KIAA1217: variants seen among roughly 807,000 people sequenced by gnomAD.
The protein encoded by KIAA1217 is sickle tail protein homolog.
In KIAA1217, 88 loss-of-function variants were observed where a neutral mutation model predicts 163.9. The observed-to-expected ratio is 0.54, with a 90% CI of 0.45 to 0.64. KIAA1217 has a LOEUF of 0.64. Among genes scored for constraint, KIAA1217 ranks in the 30% least tolerant of loss-of-function variants. The pLI is 0.00. For missense variants in KIAA1217, 2,372 were observed against 2,475.0 expected, an observed-to-expected ratio of 0.96 and a Z score of 0.88; for synonymous variants, 903 against 923.1, an observed-to-expected ratio of 0.98 and a Z score of 0.39.
intron 2 of KIAA1217, among the ~76,000 whole-genome samples, chr10:24,253,088 G>T (rs142487146): frequency 1.3e-5 from 2 of 152,118 alleles, no homozygotes; most frequent in East Asian, 3.9e-4. Flanking sequence ...TTGGGAAGAG[G>T]TGCACACAGC....
At chr10:23,945,896 C>G (rs1322845753) in intron 1 of KIAA1217, among the ~76,000 whole-genome samples, 1 of 152,014 alleles carries the variant, frequency 6.6e-6, no homozygotes, top group Non-Finnish European at 1.5e-5. Context: ...GGTGAGTGCT[C>G]TATATATATC....
intron 1 of KIAA1217, among the ~76,000 whole-genome samples, chr10:23,711,649 C>T (rs562621618): frequency 6.6e-6 from 1 of 152,148 alleles, no homozygotes; most frequent in Non-Finnish European, 1.5e-5. Flanking sequence ...TACAAGGGAA[C>T]AAGATACAAA....
At chr10:23,842,236 T>C (rs1838822282) in intron 1 of KIAA1217, among the ~76,000 whole-genome samples, 1 of 152,156 alleles carries the variant, frequency 6.6e-6, no homozygotes, top group Non-Finnish European at 1.5e-5. Context: ...TTTTCTGTTT[T>C]CCAATCTACA....
At chr10:24,106,024 C>A (rs2062614392) in intron 2 of KIAA1217, among the ~76,000 whole-genome samples, 1 of 152,102 alleles carries the variant, frequency 6.6e-6, no homozygotes. Context: ...GCACCGGGAA[C>A]CTTGTGATGG....
chr10:23,916,130 T>A (rs1842625411), intron 1 of KIAA1217, among the ~76,000 whole-genome samples: 1 of 152,202 alleles, frequency 6.6e-6, no homozygotes, highest in South Asian at 2.1e-4. Context: ...TCAGATTGTC[T>A]TCTTGCCCTA....
chr10:23,994,670 G>A (rs1846385532), intron 1 of KIAA1217, among the ~76,000 whole-genome samples: 1 of 152,200 alleles, frequency 6.6e-6, no homozygotes, highest in African/African-American at 2.4e-5. Flanking sequence ...GGGGCAGTAG[G>A]AAGCTGTGTG....
At chr10:24,269,700 A>G (rs1442561038) in intron 2 of KIAA1217, among the ~76,000 whole-genome samples, 1 of 152,134 alleles carries the variant, frequency 6.6e-6, no homozygotes, top group Non-Finnish European at 1.5e-5. Flanking sequence ...TGGGACAGTG[A>G]GTCATTGGTT....
At chr10:23,697,750 A>C (rs576735178) in intron 1 of KIAA1217, among the ~76,000 whole-genome samples, 44 of 151,606 alleles carry the variant, frequency 2.9e-4, no homozygotes, top group African/African-American at 9.9e-4. Context: ...GGTGATGTGC[A>C]CCTGTGATCC....
chr10:23,709,897 C>T (rs1247389166), intron 1 of KIAA1217, among the ~76,000 whole-genome samples: 3 of 152,162 alleles, frequency 2.0e-5, no homozygotes, highest in African/African-American at 4.8e-5. Flanking sequence ...CTCTGGGCAG[C>T]ATTACTGATT....
intron 1 of KIAA1217, among the ~76,000 whole-genome samples, chr10:23,910,974 A>G (rs924084079): frequency 3.3e-5 from 5 of 152,130 alleles, no homozygotes; most frequent in Admixed American, 2.6e-4. Context: ...TGCAGGGATT[A>G]AGGATGACTG....
intron 2 of KIAA1217, among the ~76,000 whole-genome samples, chr10:24,137,342 T>C (rs146775254): frequency 4.5e-4 from 69 of 152,322 alleles, no homozygotes; most frequent in South Asian, 3.5e-3. Flanking sequence ...TGCTCTCACC[T>C]GCTCCAAGCC....
chr10:24,001,292 C>T (rs965820081), intron 1 of KIAA1217, among the ~76,000 whole-genome samples: 2 of 152,194 alleles, frequency 1.3e-5, no homozygotes, highest in African/African-American at 4.8e-5. Flanking sequence ...ACAGAGCAGC[C>T]ATTCGGTGAG....
intron 3 of KIAA1217, among the ~76,000 whole-genome samples, chr10:24,427,329 C>A (rs2059257359): frequency 6.6e-6 from 1 of 152,040 alleles, no homozygotes; most frequent in East Asian, 1.9e-4. Flanking sequence ...CATCTTCAAG[C>A]AGATGGTCAG....
intron 1 of KIAA1217, among the ~76,000 whole-genome samples, chr10:23,976,564 A>G (rs929987471): frequency 2.0e-5 from 3 of 152,222 alleles, no homozygotes; most frequent in Non-Finnish European, 4.4e-5. Flanking sequence ...ATACTCAACC[A>G]GTACAGATTT....
chr10:23,726,376 T>C (rs1023561833), intron 1 of KIAA1217, among the ~76,000 whole-genome samples: 74 of 151,620 alleles, frequency 4.9e-4, no homozygotes, highest in Non-Finnish European at 2.9e-4. Flanking sequence ...ATTTATTTTA[T>C]TTTTTATTAT....
chr10:23,835,312 G>T (rs1180157952), intron 1 of KIAA1217, among the ~76,000 whole-genome samples: 2 of 152,102 alleles, frequency 1.3e-5, no homozygotes, highest in Admixed American at 1.3e-4. Flanking sequence ...AAAAGAATAT[G>T]AAGGCTGAAA....
At chr10:24,500,625 CT>C (rs997080749) in intron 8 of KIAA1217, among the ~76,000 whole-genome samples, 3 of 152,172 alleles carry the variant, frequency 2.0e-5, no homozygotes, top group African/African-American at 7.2e-5. Context: ...CTAATCTCCC[CT>C]TGGCGATTGG....
intron 5 of KIAA1217, among the ~76,000 whole-genome samples, chr10:24,440,058 C>T (rs180891459): frequency 4.6e-5 from 7 of 152,248 alleles, no homozygotes; most frequent in East Asian, 1.9e-4. Context: ...ATATGAATGA[C>T]GACATTGTGG....
chr10:23,742,952 G>T (rs950559562), intron 1 of KIAA1217, among the ~76,000 whole-genome samples: 1 of 152,158 alleles, frequency 6.6e-6, no homozygotes, highest in African/African-American at 2.4e-5. Flanking sequence ...CCTTTGCTGT[G>T]CCAACTGCTA....
Sources: gnomAD v4.1 joint callset for allele counts (sites outside exome capture counted in the v4.1 genomes callset) on GRCh38, gnomAD v4.1.1 for gene constraint, MANE v1.5 for transcripts, NCBI Gene and HGNC (gene_info 2026-07-23, HGNC 2026-07-21) for gene names.